The following WBP2NL variants were observed in gnomAD, a reference collection of about 807,000 sequenced individuals.
The protein encoded by WBP2NL is postacrosomal sheath WW domain-binding protein.
A neutral mutation model predicts 23.3 loss-of-function variants in WBP2NL; 27 were observed. The observed-to-expected ratio is 1.16, with a 90% confidence interval of 0.85 to 1.60. The LOEUF is 1.60. Among genes scored for constraint, WBP2NL ranks in the 40% most tolerant of loss-of-function variants. The pLI is 0.00. For missense variants in WBP2NL, 370 were observed against 389.5 expected (o/e 0.95, Z 0.42); for synonymous variants, 151 against 145.9 (o/e 1.03, Z -0.25).
intron 5 of WBP2NL, 64 bp downstream of exon 5, chr22:42,022,420 A>G (rs1924065885): frequency 4.9e-6 from 7 of 1,422,938 alleles, no homozygotes; most frequent in South Asian, 2.6e-5. Flanking sequence ...TCAAAGATCT[A>G]TCCCTTGCAG....
chr22:42,045,160 C>T (rs950707107), intron 8 of WBP2NL, among the ~76,000 whole-genome samples: 3 of 152,034 alleles, frequency 2.0e-5, no homozygotes, highest in Non-Finnish European at 2.9e-5. Context: ...AAACCTCGGC[C>T]GGGCGCGGTG....
intron 8 of WBP2NL, among the ~76,000 whole-genome samples, chr22:42,057,425 T>C (rs1028827382): frequency 6.6e-6 from 1 of 152,154 alleles, no homozygotes; most frequent in Admixed American, 6.5e-5. Context: ...GGCATCATTC[T>C]TATTCTTTCC....
intron 8 of WBP2NL, among the ~76,000 whole-genome samples, chr22:42,039,596 A>T (rs1411850711): frequency 6.6e-6 from 1 of 151,960 alleles, no homozygotes; most frequent in Non-Finnish European, 1.5e-5. Context: ...GTTACTAAGG[A>T]TTTATCCATT....
intron 8 of WBP2NL, among the ~76,000 whole-genome samples, chr22:42,052,222 T>C (rs1925861406): frequency 1.3e-5 from 2 of 152,160 alleles, no homozygotes; most frequent in Admixed American, 6.5e-5. Context: ...CCAGGGACTG[T>C]CTTGAGGAAT....
At chr22:42,040,228 CTT>C (rs879885889) in intron 8 of WBP2NL, among the ~76,000 whole-genome samples, 1 of 140,040 alleles carries the variant, frequency 7.1e-6, no homozygotes, top group Non-Finnish European at 1.6e-5. Flanking sequence ...CTCTCTCTCT[CTT>C]TTTTTTTTTT....
At chr22:41,999,598 A>G (rs1360632136) in intron 1 of WBP2NL, among the ~76,000 whole-genome samples, 1 of 152,200 alleles carries the variant, frequency 6.6e-6, no homozygotes, top group Non-Finnish European at 1.5e-5. Flanking sequence ...GTGAGACCCC[A>G]TCTCTACAAA....
chr22:42,016,854 T>G (rs1175228696), intron 1 of WBP2NL, among the ~76,000 whole-genome samples: 1 of 152,248 alleles, frequency 6.6e-6, no homozygotes, highest in Non-Finnish European at 1.5e-5. Flanking sequence ...CTTGATTATG[T>G]GACTTTCCTG....
intron 1 of WBP2NL, among the ~76,000 whole-genome samples, chr22:42,018,887 A>C (rs559136491): frequency 1.3e-5 from 2 of 149,836 alleles, no homozygotes; most frequent in East Asian, 2.0e-4. Context: ...CAGTAGCAGC[A>C]GCTAATGTTT....
At chr22:42,014,581 C>G (rs1179264605) in intron 1 of WBP2NL, among the ~76,000 whole-genome samples, 1 of 152,094 alleles carries the variant, frequency 6.6e-6, no homozygotes, top group Admixed American at 6.6e-5. Flanking sequence ...AATTCCCATT[C>G]TAGATATATT....
At chr22:42,039,074 AT>A (rs149508996) in intron 8 of WBP2NL, among the ~76,000 whole-genome samples, 2,850 of 139,774 alleles carry the variant, frequency 0.02, 33 homozygotes, top group Middle Eastern at 0.052. Context: ...TTCCTGGCTA[AT>A]TTTTTTTTTT....
Position 42,019,345 on chromosome 22 carries a change from T to G in WBP2NL, c.97T>G (p.Phe33Val). Residue 33 changes from phenylalanine (F) to valine (V), a missense_variant, in exon 2 of 6, where the codon TTC becomes GTC. Transcript: ENST00000328823. Reference protein sequence around the residue: ...LKRSPNVELSFPQRSEGSNVF... With the variant: ...LKRSPNVELSVPQRSEGSNVF... Reference sequence around the variant, plus strand: ...GCGGTCTCCGAATGTGGAGCTCTCCTTCCCACAGCGATCAGAAGGCTCAAA... The same window carrying G: ...GCGGTCTCCGAATGTGGAGCTCTCCGTCCCACAGCGATCAGAAGGCTCAAA... 6.2e-7 allele frequency: 1 copy of G among 1,614,204 alleles called. No individual in the cohort carries two copies.
downstream of WBP2NL, among the ~76,000 whole-genome samples, chr22:42,035,914 CTCTT>C (rs1463338482): frequency 6.6e-6 from 1 of 152,188 alleles, no homozygotes; most frequent in Non-Finnish European, 1.5e-5. Flanking sequence ...TGCAGTATTT[CTCTT>C]TCTGTGTCTT....
rs540240575 is a variant in WBP2NL, at chr22:42,039,162, C to T, written c.*273+8339C>T. ...TGTCGGCTCACTGCAATTTCCGTCT[C>T]CTGGGTTCAAGCAATTCTCTTGCCT... On this transcript the variant is annotated intron_variant and NMD_transcript_variant, in intron 8 of 8. Transcript: ENST00000436265. Among the ~76,000 whole-genome samples, 71 of 151,770 alleles carry T rather than the reference C, an allele frequency of 4.7e-4. 1 individual carries two copies. Among genetic ancestry groups the T allele is most frequent in the Middle Eastern group, 3.4e-3 (1 of 294 alleles).
chr22:42,003,967 A>T (rs1425651342), intron 1 of WBP2NL, among the ~76,000 whole-genome samples: 1 of 152,224 alleles, frequency 6.6e-6, no homozygotes, highest in Non-Finnish European at 1.5e-5. Context: ...CAGTTTACAA[A>T]TGGATAATAA....
chr22:42,049,278 G>A (rs753659308), intron 8 of WBP2NL, among the ~76,000 whole-genome samples: 7 of 151,846 alleles, frequency 4.6e-5, no homozygotes, highest in African/African-American at 7.3e-5. Flanking sequence ...TGGTACTAGC[G>A]CAATTGGACA....
chr22:42,035,249 G>A (rs563788199), downstream of WBP2NL, among the ~76,000 whole-genome samples: 55 of 152,374 alleles, frequency 3.6e-4, no homozygotes, highest in Middle Eastern at 3.4e-3. Context: ...TCCGTTTGGG[G>A]TCCCTGACTT....
At chr22:42,037,005 A>G (rs1180256063), downstream of WBP2NL, among the ~76,000 whole-genome samples, 1 of 152,168 alleles carries the variant, frequency 6.6e-6, no homozygotes, top group African/African-American at 2.4e-5. Context: ...AATTATTACA[A>G]GACCAATGTC....
intron 1 of WBP2NL, among the ~76,000 whole-genome samples, chr22:42,015,424 A>G (rs1295721524): frequency 1.3e-5 from 2 of 151,296 alleles, no homozygotes; most frequent in Non-Finnish European, 2.9e-5. Context: ...TTTTTTTGAG[A>G]CAGAGTCTTG....
intron 1 of WBP2NL, among the ~76,000 whole-genome samples, chr22:42,011,398 T>A (rs1373072893): frequency 1.3e-5 from 2 of 152,046 alleles, no homozygotes; most frequent in African/African-American, 4.8e-5. Context: ...GGACTACAGA[T>A]GTGTGCCACC....
Sources: gnomAD v4.1 joint callset for allele counts (sites outside exome capture counted in the v4.1 genomes callset) on GRCh38, gnomAD v4.1.1 for gene constraint, MANE v1.5 for transcripts, NCBI Gene and HGNC (gene_info 2026-07-23, HGNC 2026-07-21) for gene names.